The following SLC25A48 variants were observed in gnomAD, a reference collection of about 807,000 sequenced individuals.
The protein encoded by SLC25A48 is CTC-321K16.1.
SLC25A48 carries 29 observed loss-of-function variants against 32.2 expected under a neutral mutation model. The observed-to-expected ratio is 0.90, with a 90% confidence interval of 0.67 to 1.23. SLC25A48 has a LOEUF of 1.23. SLC25A48 is among the 50% of genes most tolerant of loss of function. The pLI is 0.00. For synonymous variants in SLC25A48, 164 were observed against 172.3 expected (o/e 0.95, Z 0.38); for missense variants, 399 against 422.7 (o/e 0.94, Z 0.49).
At chr5:135,767,958 G>T (rs1756287719) in intron 3 of SLC25A48, among the ~76,000 whole-genome samples, 3 of 147,152 alleles carry the variant, frequency 2.0e-5, no homozygotes, top group Non-Finnish European at 4.5e-5. Flanking sequence ...GTAATATCCG[G>T]GGGGGGGAGA....
At chr5:135,673,893 G>C (rs1260047838) in intron 3 of SLC25A48, among the ~76,000 whole-genome samples, 2 of 151,584 alleles carry the variant, frequency 1.3e-5, no homozygotes, top group African/African-American at 2.4e-5. Context: ...TATGATATGA[G>C]GTAAGATGAG....
intron 2 of SLC25A48, among the ~76,000 whole-genome samples, chr5:135,633,278 G>A (rs1410936795): frequency 1.3e-5 from 2 of 149,088 alleles, no homozygotes; most frequent in African/African-American, 4.9e-5. Context: ...CACAGACATT[G>A]CTAGGGACTG....
At chr5:135,624,067 G>A (rs1752387756) in intron 1 of SLC25A48, among the ~76,000 whole-genome samples, 1 of 152,170 alleles carries the variant, frequency 6.6e-6, no homozygotes, top group Admixed American at 6.5e-5. Flanking sequence ...GGTTGGTGTG[G>A]TTGTTCCATG....
chr5:135,774,435 A>G (rs1047842923), intron 3 of SLC25A48, among the ~76,000 whole-genome samples: 1 of 151,822 alleles, frequency 6.6e-6, no homozygotes, highest in Non-Finnish European at 1.5e-5. Flanking sequence ...GAGGGTGTAC[A>G]ACCCGCTTGT....
intron 3 of SLC25A48, among the ~76,000 whole-genome samples, chr5:135,808,438 A>G (rs906741934): frequency 1.3e-5 from 2 of 152,094 alleles, no homozygotes; most frequent in African/African-American, 4.8e-5. Context: ...ATGTTACACA[A>G]AAAAACTTTT....
chr5:135,718,011 T>TTTG (rs35741305), intron 3 of SLC25A48, among the ~76,000 whole-genome samples: 34,237 of 151,672 alleles, frequency 0.23, 3,878 homozygotes, highest in Middle Eastern at 0.3. Context: ...AGACTCCTTT[T>TTTG]TTGTTGTTGT....
At chr5:135,850,404 T>C in intron 2 of SLC25A48, 21 bp from the exon 3 acceptor site, 3 of 1,613,908 alleles carry the variant, frequency 1.9e-6, no homozygotes, top group South Asian at 1.1e-5. Flanking sequence ...CGCTGACCCA[T>C]GTCCTTGCCT....
chr5:135,857,155 G>C (rs1298779872), intron 4 of SLC25A48, among the ~76,000 whole-genome samples: 2 of 152,216 alleles, frequency 1.3e-5, no homozygotes, highest in African/African-American at 4.8e-5. Context: ...TGGGACATTT[G>C]AAGGTTTCTT....
upstream of SLC25A48, among the ~76,000 whole-genome samples, chr5:135,829,776 A>G (rs757670042): frequency 7.2e-5 from 11 of 151,994 alleles, no homozygotes; most frequent in Non-Finnish European, 1.0e-4. Flanking sequence ...TTTTAATAGC[A>G]TGGACCCTGG....
chr5:135,834,893 G>A lies in SLC25A48; in HGVS notation c.46G>A (p.Gly16Ser). 6.2e-7 allele frequency: 1 copy of A among 1,602,854 alleles called. No homozygotes were observed. Among genetic ancestry groups the A allele is most frequent in the Non-Finnish European group, 8.5e-7 (1 of 1,175,606 alleles). ...AGACTTTGCGGCGGGCTGGATCGGA[G>A]GTGAGTGTGCTTACCGGGGACCCCC... ...LEDFAAGWIG[G>S]AASVIVGHPL... Residue 16 changes from glycine (G) to serine (S), a missense_variant and splice_region_variant, in exon 1 of 8, where the codon GGT (glycine) becomes AGT (serine). Transcript: ENST00000681962.
intron 3 of SLC25A48, among the ~76,000 whole-genome samples, chr5:135,718,568 A>C (rs548790124): frequency 6.6e-6 from 1 of 152,358 alleles, no homozygotes; most frequent in African/African-American, 2.4e-5. Flanking sequence ...GTCACACAGT[A>C]ATAATGAATA....
rs201521595 is a variant in SLC25A48, at chr5:135,880,001, C to G, written c.847C>G (p.Arg283Gly). The G allele has an allele frequency of 2.2e-4, 338 of 1,536,276 alleles. No homozygotes were observed. The highest frequency in any genetic ancestry group is 3.5e-5 in the Non-Finnish European group (40 of 1,146,982). ...FFRGITVNAV[R>G]GFPMSAAMFL... ...CAGAGGCATCACTGTGAACGCGGTG[C>G]GGGGCTTCCCCATGAGTGCGGCCAT... is the stretch of plus-strand genomic sequence containing the variant. The change falls in exon 7 of 8, where the codon CGG becomes GGG. Residue 283 changes from arginine to glycine, a missense_variant. By Grantham distance (125) the Arg-to-Gly change is moderately radical. Coordinates refer to ENST00000681962, the MANE Select transcript of SLC25A48 (RefSeq NM_001349336.2).
At chr5:135,647,170 A>G (rs893744926) in intron 3 of SLC25A48, among the ~76,000 whole-genome samples, 9 of 152,170 alleles carry the variant, frequency 5.9e-5, no homozygotes, top group Non-Finnish European at 1.3e-4. Context: ...AACTAGAAAT[A>G]AACAAATAAA....
At chr5:135,757,093 G>T (rs143103412) in intron 3 of SLC25A48, among the ~76,000 whole-genome samples, 2,642 of 149,568 alleles carry the variant, frequency 0.018, 38 homozygotes, top group Non-Finnish European at 0.025. Context: ...AATACCATGA[G>T]ATATTTATAA....
intron 4 of SLC25A48, among the ~76,000 whole-genome samples, chr5:135,864,259 A>G (rs1761026337): frequency 6.6e-6 from 1 of 152,120 alleles, no homozygotes; most frequent in African/African-American, 2.4e-5. Context: ...CATCAGCTGT[A>G]CCTCTGAGGC....
At chr5:135,839,930 T>C (rs1470346516) in intron 1 of SLC25A48, among the ~76,000 whole-genome samples, 1 of 152,222 alleles carries the variant, frequency 6.6e-6, no homozygotes, top group East Asian at 1.9e-4. Flanking sequence ...ACCATGATTG[T>C]GTGGCCTCCC....
intron 3 of SLC25A48, among the ~76,000 whole-genome samples, chr5:135,647,474 TA>T (rs1331889719): frequency 6.6e-6 from 1 of 152,000 alleles, no homozygotes; most frequent in East Asian, 1.9e-4. Flanking sequence ...GACTTTGCTC[TA>T]AAAACATCTT....
intron 3 of SLC25A48, among the ~76,000 whole-genome samples, chr5:135,666,686 A>AGT (rs1365126378): frequency 9.3e-6 from 1 of 107,858 alleles, no homozygotes; most frequent in Admixed American, 9.0e-5. Context: ...AGAGAGAGAG[A>AGT]GAGAGAATTA....
Position 135,852,836 on chromosome 5 carries a change from G to A in SLC25A48, c.421+15G>A. ...GTTTCGGGACGGTAAGAGGCCAGGG[G>A]AGCGGAGGCTGGTGTCTGGGACTTG... On this transcript the variant is annotated intron_variant, in intron 4 of 7. Coordinates refer to ENST00000681962, the MANE Select transcript of SLC25A48 (RefSeq NM_001349336.2). 2 of 1,593,946 alleles carry A rather than the reference G, an allele frequency of 1.3e-6. No homozygotes were observed. Among genetic ancestry groups the A allele is most frequent in the Non-Finnish European group, 8.6e-7 (1 of 1,163,934 alleles).
Sources: allele counts gnomAD v4.1 joint callset (sites outside exome capture counted in the v4.1 genomes callset), GRCh38; gene constraint gnomAD v4.1.1; transcripts MANE v1.5; gene names NCBI Gene and HGNC (gene_info 2026-07-23, HGNC 2026-07-21).